The following FSTL5 variants were observed in gnomAD, a reference collection of about 807,000 sequenced individuals.
FSTL5 encodes the protein follistatin-related protein 5.
In FSTL5, 62 loss-of-function variants were observed where a neutral mutation model predicts 89.1. That is an observed-to-expected ratio of 0.70 (90% CI 0.57 to 0.86). The LOEUF is 0.86. Among genes scored for constraint, FSTL5 ranks in the 40% least tolerant of loss-of-function variants. The pLI is 0.00. For synonymous variants in FSTL5, 383 were observed against 346.2 expected, an observed-to-expected ratio of 1.11 and a Z score of -1.18; for missense variants, 1,057 against 1,001.6, an observed-to-expected ratio of 1.06 and a Z score of -0.75.
At chr4:161,768,444 A>G (rs1741092828) in intron 5 of FSTL5, among the ~76,000 whole-genome samples, 1 of 152,010 alleles carries the variant, frequency 6.6e-6, no homozygotes, top group African/African-American at 2.4e-5. Flanking sequence ...GAGCCCCAGG[A>G]AAAGTACAGA....
chr4:162,132,969 G>C (rs914480456), intron 1 of FSTL5, among the ~76,000 whole-genome samples: 2 of 152,074 alleles, frequency 1.3e-5, no homozygotes, highest in Non-Finnish European at 2.9e-5. Flanking sequence ...TTGAGACGGA[G>C]TCTCGCTCTG....
At chr4:161,567,375 C>T (rs1160331588) in intron 8 of FSTL5, among the ~76,000 whole-genome samples, 1 of 152,006 alleles carries the variant, frequency 6.6e-6, no homozygotes, top group Non-Finnish European at 1.5e-5. Flanking sequence ...TGAGAGTGCC[C>T]TCATGTTAAA....
At chr4:162,021,310 A>G (rs1578953922) in intron 3 of FSTL5, among the ~76,000 whole-genome samples, 2 of 152,308 alleles carry the variant, frequency 1.3e-5, no homozygotes, top group African/African-American at 4.8e-5. Context: ...AAGAATGACA[A>G]TCTCAAGTAA....
At chr4:161,478,957 T>C (rs2126449836) in intron 13 of FSTL5, among the ~76,000 whole-genome samples, 1 of 152,192 alleles carries the variant, frequency 6.6e-6, no homozygotes, top group Non-Finnish European at 1.5e-5. Context: ...ATATCATACA[T>C]ATCCATTTAT....
intron 4 of FSTL5, among the ~76,000 whole-genome samples, chr4:161,914,644 C>T (rs1733790230): frequency 6.6e-6 from 1 of 152,044 alleles, no homozygotes; most frequent in African/African-American, 2.4e-5. Context: ...ATATAATTAT[C>T]TAAAATTGGA....
chr4:161,797,987 A>G (rs1373049102), intron 4 of FSTL5, among the ~76,000 whole-genome samples: 1 of 151,640 alleles, frequency 6.6e-6, no homozygotes, highest in Non-Finnish European at 1.5e-5. Flanking sequence ...GCTCATCATC[A>G]AACTAAAAGT....
chr4:161,928,614 A>T (rs570267947), intron 3 of FSTL5, among the ~76,000 whole-genome samples: 5 of 151,702 alleles, frequency 3.3e-5, no homozygotes, highest in African/African-American at 1.2e-4. Context: ...TTACCATTCA[A>T]TTAGGTAGTT....
At chr4:161,429,526 G>T (rs1294945341) in intron 15 of FSTL5, among the ~76,000 whole-genome samples, 3 of 152,172 alleles carry the variant, frequency 2.0e-5, no homozygotes. Flanking sequence ...GAAAGACTTT[G>T]TTTGGAAGAA....
chr4:161,555,934 C>T (rs1047312176), intron 8 of FSTL5, among the ~76,000 whole-genome samples: 3 of 151,484 alleles, frequency 2.0e-5, no homozygotes, highest in African/African-American at 2.4e-5. Flanking sequence ...GGGAATTGAA[C>T]CTGTCTAAGC....
chr4:162,143,768 T>A, intron 1 of FSTL5, among the ~76,000 whole-genome samples: 1 of 134,260 alleles, frequency 7.4e-6, no homozygotes, highest in African/African-American at 2.8e-5. Context: ...AAAGGTTACA[T>A]TGTATCTGAC....
chr4:162,069,106 T>C (rs1561002120), intron 2 of FSTL5, among the ~76,000 whole-genome samples: 1 of 151,988 alleles, frequency 6.6e-6, no homozygotes, highest in Admixed American at 6.6e-5. Flanking sequence ...GGAATGCAAA[T>C]TAGTTTAACC....
intron 2 of FSTL5, among the ~76,000 whole-genome samples, chr4:162,062,055 T>C (rs904884894): frequency 6.6e-6 from 1 of 151,992 alleles, no homozygotes; most frequent in Non-Finnish European, 1.5e-5. Context: ...GGACTAGTTA[T>C]TCAAGAAATG....
intron 3 of FSTL5, among the ~76,000 whole-genome samples, chr4:162,018,891 C>T (rs1736992601): frequency 6.6e-6 from 1 of 152,098 alleles, no homozygotes; most frequent in African/African-American, 2.4e-5. Context: ...ATTTTAATTA[C>T]AAACTTTGGA....
intron 4 of FSTL5, among the ~76,000 whole-genome samples, chr4:161,814,068 A>G (rs1188446124): frequency 2.6e-5 from 4 of 152,188 alleles, no homozygotes; most frequent in Admixed American, 1.3e-4. Context: ...GCCATTAAAA[A>G]ATGAAAGTAA....
intron 6 of FSTL5, among the ~76,000 whole-genome samples, chr4:161,696,352 G>T (rs1738165971): frequency 6.6e-6 from 1 of 152,084 alleles, no homozygotes; most frequent in African/African-American, 2.4e-5. Flanking sequence ...TGTTGTTTTG[G>T]TGACTATGGC....
intron 6 of FSTL5, among the ~76,000 whole-genome samples, chr4:161,726,550 A>T (rs1047096862): frequency 2.2e-4 from 34 of 152,068 alleles, no homozygotes; most frequent in South Asian, 4.1e-4. Context: ...TCAATACCGT[A>T]AACCTAGTTC....
intron 1 of FSTL5, among the ~76,000 whole-genome samples, chr4:162,156,701 A>G (rs1733487694): frequency 6.6e-6 from 1 of 152,120 alleles, no homozygotes; most frequent in African/African-American, 2.4e-5. Flanking sequence ...TTGTATATAC[A>G]TGGACATAAG....
chr4:161,540,995 T>C (rs573728007), intron 9 of FSTL5, among the ~76,000 whole-genome samples: 2 of 152,242 alleles, frequency 1.3e-5, no homozygotes, highest in East Asian at 3.9e-4. Flanking sequence ...GTTAATAAAA[T>C]ATTTGTGCTT....
intron 4 of FSTL5, among the ~76,000 whole-genome samples, chr4:161,895,003 T>G (rs988928294): frequency 5.3e-5 from 8 of 152,236 alleles, no homozygotes; most frequent in African/African-American, 1.9e-4. Context: ...TCTCAGGTAC[T>G]GTGCTTTGGG....
Sources: allele counts gnomAD v4.1 joint callset (sites outside exome capture counted in the v4.1 genomes callset), GRCh38; gene constraint gnomAD v4.1.1; transcripts MANE v1.5; gene names NCBI Gene and HGNC (gene_info 2026-07-23, HGNC 2026-07-21).